MAGI2: variants seen among roughly 807,000 people sequenced by gnomAD.
MAGI2 encodes the protein membrane associated guanylate kinase, WW and PDZ domain containing 2.
MAGI2 carries 35 observed loss-of-function variants against 133.3 expected under a neutral mutation model. That is an observed-to-expected ratio of 0.26 (90% CI 0.20 to 0.35). The LOEUF is 0.35. Among genes scored for constraint, MAGI2 ranks in the 10% least tolerant of loss-of-function variants. The pLI, the probability that MAGI2 is intolerant of heterozygous loss-of-function variation, is 1.00. For missense variants in MAGI2, 1,636 were observed against 1,863.4 expected, an observed-to-expected ratio of 0.88 and a Z score of 2.25; for synonymous variants, 729 against 710.6, an observed-to-expected ratio of 1.03 and a Z score of -0.41.
intron 1 of MAGI2, among the ~76,000 whole-genome samples, chr7:79,235,492 C>T (rs1394094857): frequency 1.3e-5 from 2 of 151,926 alleles, no homozygotes; most frequent in East Asian, 1.9e-4. Flanking sequence ...GATATAATCT[C>T]GTGGTGTGCC....
intron 3 of MAGI2, among the ~76,000 whole-genome samples, chr7:78,602,903 A>G (rs1218639331): frequency 2.0e-5 from 3 of 152,212 alleles, no homozygotes; most frequent in Non-Finnish European, 2.9e-5. Flanking sequence ...TCATTCTTTG[A>G]TTTCAGCTTT....
At chr7:79,145,438 C>T (rs1183410703) in intron 1 of MAGI2, among the ~76,000 whole-genome samples, 1 of 152,078 alleles carries the variant, frequency 6.6e-6, no homozygotes, top group Non-Finnish European at 1.5e-5. Context: ...ATAATGTCAT[C>T]CTTGAGCTGG....
At position 78,219,105 on chromosome 7, in the gene MAGI2, G is replaced by A. The variant is rs180832034; in HGVS notation, c.2048-17912C>T. Among the ~76,000 whole-genome samples, 39 of 152,234 alleles carry A rather than the reference G, an allele frequency of 2.6e-4. 1 individual carries two copies. The highest frequency in any genetic ancestry group is 2.0e-3 in the Admixed American group (30 of 15,294). On this transcript the variant is annotated intron_variant, in intron 10 of 21. Coordinates refer to ENST00000354212, the MANE Select transcript of MAGI2 (RefSeq NM_012301.4). ...TGTTTTACAGAGGATCGTGGAGAACGTGCCTCGTCTACCTTCCTAATGAGA... is the reference window on the plus strand; with the variant it reads ...TGTTTTACAGAGGATCGTGGAGAACATGCCTCGTCTACCTTCCTAATGAGA...
intron 3 of MAGI2, among the ~76,000 whole-genome samples, chr7:78,574,489 T>C (rs1275618351): frequency 1.3e-5 from 2 of 152,248 alleles, no homozygotes; most frequent in Non-Finnish European, 2.9e-5. Context: ...GTTCACTATG[T>C]CAAATTAACT....
chr7:78,451,606 A>G (rs1039923196), intron 6 of MAGI2, among the ~76,000 whole-genome samples: 2 of 152,034 alleles, frequency 1.3e-5, no homozygotes, highest in Admixed American at 6.6e-5. Flanking sequence ...GTTATAGTTT[A>G]CCTATGCCTC....
Position 78,699,527 on chromosome 7 carries a change from C to T in MAGI2, c.419-72288G>A, listed in dbSNP as rs571901918. Among the ~76,000 whole-genome samples, 7 of 152,240 alleles carry T rather than the reference C, an allele frequency of 4.6e-5. No homozygotes were observed. In the East Asian group the frequency reaches 9.7e-4, roughly 21 times the overall value. On this transcript the variant is annotated intron_variant, in intron 2 of 21. Coordinates refer to ENST00000354212, the MANE Select transcript of MAGI2 (RefSeq NM_012301.4). ...GATGTGGGTTCCATCCTTAAGACATCGCATTATGTATATGCAGATATTCTA... is the reference window on the plus strand; with the variant it reads ...GATGTGGGTTCCATCCTTAAGACATTGCATTATGTATATGCAGATATTCTA...
chr7:78,195,140 C>T, intron 11 of MAGI2, 77 bp from the exon 12 acceptor site: 1 of 1,247,722 alleles, frequency 8.0e-7, no homozygotes, highest in Non-Finnish European at 1.1e-6. Context: ...TTAGGTTAAC[C>T]TTTTTTGCCT....
intron 15 of MAGI2, among the ~76,000 whole-genome samples, chr7:78,166,622 A>G (rs943431041): frequency 7.2e-5 from 11 of 152,168 alleles, no homozygotes; most frequent in African/African-American, 1.9e-4. Flanking sequence ...CTCATGGTCT[A>G]GTTTCTAGGG....
chr7:79,254,702 C>T (rs538300234), intron 1 of MAGI2, among the ~76,000 whole-genome samples: 12 of 152,178 alleles, frequency 7.9e-5, no homozygotes, highest in Non-Finnish European at 1.8e-4. Context: ...GAATCTTCTA[C>T]TTTTGTACCA....
chr7:79,075,100 T>C (rs972258320), intron 1 of MAGI2, among the ~76,000 whole-genome samples: 5 of 152,214 alleles, frequency 3.3e-5, no homozygotes, highest in African/African-American at 9.6e-5. Flanking sequence ...GAAAGAACTA[T>C]GTAGCAGGGG....
intron 6 of MAGI2, among the ~76,000 whole-genome samples, chr7:78,392,882 A>G (rs1223394035): frequency 6.6e-6 from 1 of 152,036 alleles, no homozygotes; most frequent in Non-Finnish European, 1.5e-5. Context: ...ACCTCAGGTG[A>G]TTCGCCAACC....
chr7:78,474,174 T>C (rs867899200), intron 6 of MAGI2, among the ~76,000 whole-genome samples: 20 of 130,692 alleles, frequency 1.5e-4, no homozygotes, highest in Admixed American at 1.0e-3. Context: ...CACTATCTTA[T>C]TTGAGAAAAA....
chr7:78,336,669 G>A (rs1387432994), intron 9 of MAGI2, among the ~76,000 whole-genome samples: 1 of 152,056 alleles, frequency 6.6e-6, no homozygotes, highest in Non-Finnish European at 1.5e-5. Context: ...AGGCTACAGT[G>A]AGCTATGATT....
intron 2 of MAGI2, among the ~76,000 whole-genome samples, chr7:78,972,585 T>G (rs1226530579): frequency 6.6e-6 from 1 of 151,848 alleles, no homozygotes; most frequent in Non-Finnish European, 1.5e-5. Flanking sequence ...AGAATTGAGG[T>G]AGATTTCATA....
intron 1 of MAGI2, among the ~76,000 whole-genome samples, chr7:79,254,393 C>T (rs1209860543): frequency 6.6e-6 from 1 of 152,104 alleles, no homozygotes; most frequent in Non-Finnish European, 1.5e-5. Flanking sequence ...CCATGTTTTC[C>T]TTTATAGCCT....
rs1808016447 is a variant in MAGI2, at chr7:78,019,049, T to C, written c.*266A>G. The C allele has an allele frequency of 2.7e-5, 12 of 448,272 alleles. No individual in the cohort carries two copies. The South Asian group carries it at 5.0e-4, about 19-fold the overall frequency. 27.8% of individuals were successfully genotyped at this position (448,272 alleles called of 1,614,324 possible). A position where few individuals can be genotyped will look rare whatever the true frequency, so the allele number is the denominator to read the frequency against. Reference sequence around the variant, plus strand: ...AAAGCTACACTGCACTGTCTCTCTGTGATGTTCTTCACGTTATTTTGGTTC... The same window carrying C: ...AAAGCTACACTGCACTGTCTCTCTGCGATGTTCTTCACGTTATTTTGGTTC... On this transcript the variant is annotated 3_prime_UTR_variant, in exon 22 of 22. Transcript: ENST00000354212.
intron 3 of MAGI2, among the ~76,000 whole-genome samples, chr7:78,576,095 A>G (rs1418102132): frequency 6.6e-6 from 1 of 150,962 alleles, no homozygotes; most frequent in Non-Finnish European, 1.5e-5. Flanking sequence ...AGTTTTCATG[A>G]AAACTACCAC....
intron 21 of MAGI2, among the ~76,000 whole-genome samples, chr7:78,029,512 G>A (rs557409776): frequency 3.2e-4 from 49 of 152,330 alleles, no homozygotes; most frequent in Non-Finnish European, 4.7e-4. Context: ...AGCCCAATAT[G>A]TAAAACAGAT....
chr7:79,443,429 A>G (rs1196650530), intron 1 of MAGI2, among the ~76,000 whole-genome samples: 1 of 152,102 alleles, frequency 6.6e-6, no homozygotes, highest in Non-Finnish European at 1.5e-5. Flanking sequence ...AAACAAAACA[A>G]AAGAAAAACT....
Sources: gnomAD v4.1 joint callset for allele counts (sites outside exome capture counted in the v4.1 genomes callset) on GRCh38, gnomAD v4.1.1 for gene constraint, MANE v1.5 for transcripts, NCBI Gene and HGNC (gene_info 2026-07-23, HGNC 2026-07-21) for gene names.